Variants in DAPK2 observed in about 807,000 individuals in gnomAD.
DAPK2 encodes the protein death associated protein kinase 2, also known as death-associated protein kinase 2.
A neutral mutation model predicts 44.1 loss-of-function variants in DAPK2; 35 were observed. The observed-to-expected ratio is 0.79, with a 90% CI of 0.61 to 1.05. The LOEUF (loss-of-function observed/expected upper bound fraction) is 1.05, where lower values mean the gene tolerates loss of function less well. Ranked by LOEUF, DAPK2 falls within the 50% of genes least tolerant of loss-of-function variation. The probability of loss-of-function intolerance (pLI) is 0.00; values close to 1 mark genes in which losing one functional copy is unlikely to be tolerated. For synonymous variants in DAPK2, 174 were observed against 182.6 expected (o/e 0.95, Z 0.38); for missense variants, 453 against 483.2 (o/e 0.94, Z 0.59).
chr15:64,036,309 G>GTGTATA (rs1255068392), intron 1 of DAPK2, among the ~76,000 whole-genome samples: 12 of 60,522 alleles, frequency 2.0e-4, no homozygotes, highest in African/African-American at 4.9e-4. Flanking sequence ...GTGTGTGTGT[G>GTGTATA]TATATATATG....
At chr15:63,998,019 C>T (rs912397513) in intron 1 of DAPK2, among the ~76,000 whole-genome samples, 3 of 152,240 alleles carry the variant, frequency 2.0e-5, no homozygotes, top group African/African-American at 7.2e-5. Context: ...CTCTGGGCTT[C>T]AGTTTTCCCA....
intron 2 of DAPK2, among the ~76,000 whole-genome samples, chr15:63,973,923 G>C (rs2078279249): frequency 6.6e-6 from 1 of 152,152 alleles, no homozygotes; most frequent in South Asian, 2.1e-4. Flanking sequence ...GAAGCAGACT[G>C]AGCAAGACAG....
chr15:63,931,347 C>T (rs1332516018), intron 4 of DAPK2, among the ~76,000 whole-genome samples: 1 of 152,086 alleles, frequency 6.6e-6, no homozygotes, highest in Non-Finnish European at 1.5e-5. Flanking sequence ...TACAAACAGG[C>T]CTTGATAGGA....
chr15:63,946,452 T>A (rs2077452004), intron 3 of DAPK2, among the ~76,000 whole-genome samples: 1 of 152,192 alleles, frequency 6.6e-6, no homozygotes, highest in Non-Finnish European at 1.5e-5. Flanking sequence ...CAGTTTCCCA[T>A]CTATAAAATG....
intron 1 of DAPK2, among the ~76,000 whole-genome samples, chr15:64,045,445 G>C (rs1282934383): frequency 6.6e-6 from 1 of 152,082 alleles, no homozygotes; most frequent in African/African-American, 2.4e-5. Context: ...AAACCAGAGT[G>C]GCTGCCCTCC....
At chr15:63,953,742 T>C (rs1025560229) in intron 3 of DAPK2, among the ~76,000 whole-genome samples, 2 of 152,204 alleles carry the variant, frequency 1.3e-5, no homozygotes, top group Non-Finnish European at 2.9e-5. Context: ...CCACCAACAG[T>C]GTACGAGGGT....
chr15:63,910,337 G>A (rs980159261), intron 10 of DAPK2, among the ~76,000 whole-genome samples: 6 of 152,158 alleles, frequency 3.9e-5, no homozygotes, highest in African/African-American at 1.4e-4. Context: ...GTCTAGCCGT[G>A]CATCATAAGG....
intron 1 of DAPK2, among the ~76,000 whole-genome samples, chr15:63,998,592 AG>A (rs2079007848): frequency 6.6e-6 from 1 of 152,166 alleles, no homozygotes; most frequent in South Asian, 2.1e-4. Flanking sequence ...GGGTCTCTGC[AG>A]GGTGGACCTA....
chr15:63,985,081 C>T lies in DAPK2; in HGVS notation c.93-1327G>A, dbSNP rs576794088. ...CTCCATTCAATCAACACTGTCTGGG[C>T]ATCCAGTCTGTGCCAGGATCTGTGC... On this transcript the variant is annotated intron_variant, in intron 1 of 10. Coordinates refer to ENST00000261891, the Ensembl canonical transcript of DAPK2. 1.2e-3 allele frequency among the ~76,000 whole-genome samples: 182 copies of T among 152,350 alleles called. 1 individual carries two copies. The Middle Eastern group carries it at 0.031, about 26-fold the overall frequency.
intron 1 of DAPK2, among the ~76,000 whole-genome samples, chr15:64,017,040 T>C (rs760217838): frequency 6.6e-6 from 1 of 152,180 alleles, no homozygotes; most frequent in Non-Finnish European, 1.5e-5. Context: ...CTCATTGCTG[T>C]TGTGGATACA....
rs375506499 is a variant in DAPK2, at chr15:63,975,885, C to T, written c.315-4324G>A. ...TTGGGATTACAGGTGTGAGCCATTGCGCTCGGCTCCAGATGATTCTTATAT... is the reference window on the plus strand; with the variant it reads ...TTGGGATTACAGGTGTGAGCCATTGTGCTCGGCTCCAGATGATTCTTATAT... On this transcript the variant is annotated intron_variant, in intron 2 of 10. Coordinates refer to ENST00000261891, the Ensembl canonical transcript of DAPK2. 1.7e-4 allele frequency among the ~76,000 whole-genome samples: 26 copies of T among 152,196 alleles called. 2 individuals are homozygous for T. Among genetic ancestry groups the T allele is most frequent in the Admixed American group, 6.5e-4 (10 of 15,278 alleles).
chr15:64,011,771 T>C (rs2079396346), intron 1 of DAPK2, among the ~76,000 whole-genome samples: 1 of 152,238 alleles, frequency 6.6e-6, no homozygotes, highest in Non-Finnish European at 1.5e-5. Flanking sequence ...CATTGGACAA[T>C]GCAGCTCTAA....
chr15:63,984,658 A>G (rs1178729519), intron 1 of DAPK2, among the ~76,000 whole-genome samples: 4 of 152,164 alleles, frequency 2.6e-5, no homozygotes, highest in African/African-American at 9.7e-5. Flanking sequence ...GCCATTTGCC[A>G]TCATTGCCCC....
rs1431592929 is a variant in DAPK2 at position 63,912,428 on chromosome 15, A to G, written c.859-231T>C. Among the ~76,000 whole-genome samples the G allele has an allele frequency of 6.6e-6, 1 of 152,198 alleles. No homozygotes were observed. The highest frequency in any genetic ancestry group is 1.9e-4 in the East Asian group (1 of 5,198). ...ATTATTACCACAGCCTGACACACAC[A>G]CAGCCTTGGCTGGAGGCTCAGCAGC... On this transcript the variant is annotated intron_variant, in intron 8 of 10. Coordinates refer to ENST00000261891, the Ensembl canonical transcript of DAPK2. The surrounding 1 kb of genome is among the most constrained non-coding windows in gnomAD (Gnocchi z 4.4).
chr15:63,963,638 C>T (rs564462515), intron 3 of DAPK2, among the ~76,000 whole-genome samples: 1 of 152,174 alleles, frequency 6.6e-6, no homozygotes, highest in South Asian at 2.1e-4. Flanking sequence ...TTCCGTCCTT[C>T]CTGTCTTCCT....
chr15:63,975,012 C>T (rs554382209), intron 2 of DAPK2, among the ~76,000 whole-genome samples: 6 of 152,262 alleles, frequency 3.9e-5, no homozygotes, highest in Admixed American at 2.0e-4. Context: ...CCCACCATGG[C>T]CTGAAAGTTT....
intron 3 of DAPK2, among the ~76,000 whole-genome samples, chr15:63,963,087 A>G (rs1431863150): frequency 2.0e-5 from 3 of 152,040 alleles, no homozygotes; most frequent in African/African-American, 4.8e-5. Context: ...CCACCTTGCA[A>G]TTGAATCTCA....
At chr15:63,947,450 A>G (rs1215724101) in intron 3 of DAPK2, among the ~76,000 whole-genome samples, 1 of 152,212 alleles carries the variant, frequency 6.6e-6, no homozygotes, top group South Asian at 2.1e-4. Flanking sequence ...GAAATGGGCC[A>G]ATGCGGTCAC....
intron 3 of DAPK2, among the ~76,000 whole-genome samples, chr15:63,952,753 G>A (rs181507124): frequency 6.6e-6 from 1 of 152,054 alleles, no homozygotes; most frequent in East Asian, 1.9e-4. Context: ...AATCATATCA[G>A]GATGAACAGG....
Sources: allele counts gnomAD v4.1 joint callset (sites outside exome capture counted in the v4.1 genomes callset), GRCh38; gene constraint gnomAD v4.1.1; non-coding constraint Gnocchi (gnomAD v3.1); transcripts MANE v1.5; gene names NCBI Gene and HGNC (gene_info 2026-07-23, HGNC 2026-07-21).